Variants in FANCD2 observed in about 807,000 individuals in gnomAD.
FANCD2 encodes Fanconi anemia group D2 protein.
Under a neutral mutation model 192.3 loss-of-function variants are expected in FANCD2, and 131 were observed. The ratio of observed to expected loss-of-function variants is 0.68; its 90% confidence interval spans 0.59 to 0.79. The LOEUF (loss-of-function observed/expected upper bound fraction) is 0.79. FANCD2 is among the 30% of genes least tolerant of loss of function. FANCD2 has a pLI of 0.00. For missense variants in FANCD2, 1,508 were observed against 1,701.6 expected, an observed-to-expected ratio of 0.89 and a Z score of 2.00; for synonymous variants, 524 against 612.5, an observed-to-expected ratio of 0.86 and a Z score of 2.13.
intron 18 of FANCD2, among the ~76,000 whole-genome samples, chr3:10,053,561 A>T (rs562765682): frequency 4.9e-4 from 75 of 151,948 alleles, no homozygotes; most frequent in African/African-American, 1.3e-3. Flanking sequence ...GAATAAAATT[A>T]AAAAAAATTT....
chr3:10,064,725 G>A lies in FANCD2; in HGVS notation c.2022-4G>A, dbSNP rs748941966. The A allele has an allele frequency of 4.3e-5, 69 of 1,614,016 alleles. No homozygotes were observed. Among genetic ancestry groups the A allele is most frequent in the Non-Finnish European group, 4.4e-5 (52 of 1,179,946 alleles). On this transcript the variant is annotated splice_region_variant and splice_polypyrimidine_tract_variant and intron_variant, in intron 22 of 43. Transcript: ENST00000675286. Reference sequence around the variant, plus strand: ...CAACATCAGATTCTGGTTTTTCTCCGCAGTGACTTTCCATTTCCTGTGAAA... The same window carrying A: ...CAACATCAGATTCTGGTTTTTCTCCACAGTGACTTTCCATTTCCTGTGAAA...
intron 21 of FANCD2, 94 bp downstream of exon 21, chr3:10,064,005 T>G: frequency 6.4e-7 from 1 of 1,559,042 alleles, no homozygotes; most frequent in Non-Finnish European, 8.8e-7. Context: ...AAATAGATCA[T>G]CCTGTGACCT....
intron 19 of FANCD2, among the ~76,000 whole-genome samples, chr3:10,061,087 T>C (rs980950627): frequency 6.6e-6 from 1 of 152,176 alleles, no homozygotes; most frequent in Non-Finnish European, 1.5e-5. Flanking sequence ...GCGCCCAACT[T>C]AATCACCAGA....
intron 13 of FANCD2, 88 bp downstream of exon 13, chr3:10,043,680 C>G: frequency 7.4e-7 from 1 of 1,345,986 alleles, no homozygotes; most frequent in Middle Eastern, 1.8e-4. Context: ...AAATAAAAAT[C>G]TCAAAACTCA....
chr3:10,087,037 A>C, intron 33 of FANCD2, 97 bp from the exon 34 acceptor site: 1 of 1,357,182 alleles, frequency 7.4e-7, no homozygotes, highest in Non-Finnish European at 1.1e-6. Context: ...TAGGCCGTCA[A>C]ACACTGAAAG....
At position 10,064,350 on chromosome 3, in the gene FANCD2, C is replaced by A. The variant is rs779350241; in HGVS notation, c.1948-6C>A. ...ACTGCCCTTTTTGTTTGTTTGCTTC[C>A]TGAAGGAATGGGTTGGGCATACCAT... On this transcript the variant is annotated splice_region_variant and splice_polypyrimidine_tract_variant and intron_variant, in intron 21 of 43. Coordinates refer to ENST00000675286, the MANE Select transcript of FANCD2 (RefSeq NM_001018115.3). The A allele has an allele frequency of 1.9e-6, 3 of 1,599,706 alleles. No individual in the cohort carries two copies. Among genetic ancestry groups the A allele is most frequent in the Non-Finnish European group, 2.6e-6 (3 of 1,166,872 alleles).
chr3:10,036,911 C>A (rs2086745589), intron 7 of FANCD2, among the ~76,000 whole-genome samples: 1 of 152,038 alleles, frequency 6.6e-6, no homozygotes, highest in African/African-American at 2.4e-5. Context: ...TCATGGCTCA[C>A]TGAGGCCTCC....
intron 14 of FANCD2, among the ~76,000 whole-genome samples, chr3:10,046,055 C>CTTG (rs770393574): frequency 2.4e-5 from 3 of 124,420 alleles, no homozygotes; most frequent in Non-Finnish European, 5.0e-5. Flanking sequence ...GCTCTGTATT[C>CTTG]TTTTTTTTTT....
In FANCD2 at chr3:10,039,692, T is replaced by A. The variant is rs147890891; in HGVS notation, c.571-29T>A. On this transcript the variant is annotated intron_variant, in intron 8 of 43. Coordinates refer to ENST00000675286, the MANE Select transcript of FANCD2 (RefSeq NM_001018115.3). ...TCTTTCTTTATTCTGGGTAATGTGC[T>A]GCAGTTCTAATAGTGTCTTCTACTG... The A allele has an allele frequency of 2.2e-4, 360 of 1,613,876 alleles. 1 individual carries two copies. In the African/African-American group the frequency reaches 4.2e-3, roughly 19 times the overall value.
intron 7 of FANCD2, chr3:10,037,805 T>C (rs1177753661): frequency 1.3e-5 from 2 of 152,210 alleles, no homozygotes; most frequent in Non-Finnish European, 2.9e-5. Context: ...ATAGCACTTA[T>C]ATTAGGTTGG....
chr3:10,084,580 G>A (rs747697451), intron 32 of FANCD2, among the ~76,000 whole-genome samples: 8 of 152,290 alleles, frequency 5.3e-5, no homozygotes, highest in South Asian at 2.1e-4. Context: ...CATTAGAGGC[G>A]TGAGCCACCA....
At chr3:10,088,601 G>C in intron 35 of FANCD2, 59 bp downstream of exon 35, 1 of 1,259,604 alleles carries the variant, frequency 7.9e-7, no homozygotes. Context: ...TGCTACTGTT[G>C]TTTGTCAGAG....
In FANCD2 at chr3:10,032,774, T is replaced by C; in HGVS notation, c.65-58T>C. 7 of 1,449,528 alleles carry C rather than the reference T, an allele frequency of 4.8e-6. No homozygotes were observed. The South Asian group carries it at 8.2e-5, about 17-fold the overall frequency. 89.8% of individuals were successfully genotyped at this position (1,449,528 alleles called of 1,614,324 possible). On this transcript the variant is annotated intron_variant, in intron 2 of 43. Transcript: ENST00000675286. ...CTCTCATGATTATTATTCCTGGGTT[T>C]AAGTTTTAATTTTTCCTTTACTATT...
At chr3:10,081,500 A>T (rs751273814) in intron 32 of FANCD2, 36 bp downstream of exon 32, 1 of 1,394,596 alleles carries the variant, frequency 7.2e-7, no homozygotes, top group Non-Finnish European at 1.0e-6. Flanking sequence ...AACTGAGTAT[A>T]TACTTGCTTT....
At chr3:10,089,475 G>A (rs936942983) in intron 36 of FANCD2, among the ~76,000 whole-genome samples, 3 of 151,662 alleles carry the variant, frequency 2.0e-5, no homozygotes, top group African/African-American at 7.3e-5. Flanking sequence ...TTTTTGTTTT[G>A]TATTGTTTTG....
intron 36 of FANCD2, among the ~76,000 whole-genome samples, chr3:10,089,640 T>C (rs1694463800): frequency 1.3e-5 from 2 of 152,088 alleles, no homozygotes; most frequent in African/African-American, 4.8e-5. Context: ...CGGCTAATTT[T>C]TGTATTTTTA....
chr3:10,046,880 T>C (rs537929624), intron 15 of FANCD2, among the ~76,000 whole-genome samples, 157 bp downstream of exon 15: 4 of 152,428 alleles, frequency 2.6e-5, no homozygotes, highest in African/African-American at 4.8e-5. Flanking sequence ...CAATGCAGTT[T>C]GCAACTTTGA....
rs181838959 is a variant in FANCD2, at chr3:10,028,655, A to G, written c.-3A>G. 1.2e-6 allele frequency: 2 copies of G among 1,613,974 alleles called. No individual in the cohort carries two copies. Among genetic ancestry groups the G allele is most frequent in the East Asian group, 4.5e-5 (2 of 44,866 alleles). ...AATTTAAGTGCACAAGACATTGGTC[A>G]AAATGGTTTCCAAAAGAAGACTGTC... On this transcript the variant is annotated 5_prime_UTR_variant, in exon 2 of 44. Transcript: ENST00000675286.
Position 10,078,348 on chromosome 3 carries a change from C to CTTTA in FANCD2, c.2976+172_2976+175dup, listed in dbSNP as rs376755596. On this transcript the variant is annotated intron_variant, in intron 30 of 43. Transcript: ENST00000675286. ...GTATTGCCAGACAATATTCATCTTG[C>CTTTA]TTTATTTATTTATTTATTTATTTAG... 3.0e-3 allele frequency: 1,941 copies of CTTTA among 644,946 alleles called. 32 individuals carry two copies. Among genetic ancestry groups the CTTTA allele is most frequent in the African/African-American group, 0.029 (1,586 of 54,110 alleles). 40.0% of individuals were successfully genotyped at this position (644,946 alleles called of 1,614,324 possible).
Sources: gnomAD v4.1 joint callset for allele counts (sites outside exome capture counted in the v4.1 genomes callset) on GRCh38, gnomAD v4.1.1 for gene constraint, MANE v1.5 for transcripts, NCBI Gene and HGNC (gene_info 2026-07-23, HGNC 2026-07-21) for gene names.